VAPA: variants seen among roughly 807,000 people sequenced by gnomAD.
VAPA encodes the protein VAMP associated protein A, also known as vesicle-associated membrane protein-associated protein A.
In VAPA, 6 loss-of-function variants were observed where a neutral mutation model predicts 25.6. That is an observed-to-expected ratio of 0.23 (90% CI 0.13 to 0.46). The LOEUF (loss-of-function observed/expected upper bound fraction) is 0.46. Among genes scored for constraint, VAPA ranks in the 20% least tolerant of loss-of-function variants. VAPA has a pLI of 0.99. For missense variants in VAPA, 244 were observed against 302.1 expected (o/e 0.81, Z 1.43); for synonymous variants, 112 against 106.2 (o/e 1.05, Z -0.34).
chr18:9,942,388 T>C (rs1421221848), intron 4 of VAPA, among the ~76,000 whole-genome samples: 1 of 152,198 alleles, frequency 6.6e-6, no homozygotes, highest in Non-Finnish European at 1.5e-5. Context: ...TGATGCACTC[T>C]CCTCAAATAT....
At chr18:9,945,348 C>CCCCT in intron 4 of VAPA, among the ~76,000 whole-genome samples, 1 of 80,138 alleles carries the variant, frequency 1.2e-5, no homozygotes, top group Non-Finnish European at 2.5e-5. Context: ...GGGGAATATA[C>CCCCT]TCTTTTTTTT....
intron 1 of VAPA, chr18:9,915,850 T>C (rs1005456941): frequency 6.6e-6 from 1 of 152,240 alleles, no homozygotes; most frequent in African/African-American, 2.4e-5. Flanking sequence ...GTGCAGTGAA[T>C]GTATTTTATT....
At chr18:9,914,995 C>G (rs1015582491) in intron 1 of VAPA, 1 of 152,382 alleles carries the variant, frequency 6.6e-6, no homozygotes. Context: ...AGGTGTAGGA[C>G]GCGCCGGGGA....
At position 9,958,997 on chromosome 18, in the gene VAPA, C is replaced by CAAA. The variant is rs1372843230; in HGVS notation, c.*4788_*4789insAAA. On this transcript the variant is annotated 3_prime_UTR_variant, in exon 6 of 6. Coordinates refer to ENST00000400000, the MANE Select transcript of VAPA (RefSeq NM_194434.3). ...TGGTTTTCAAGTATAATGTCGTTTTCAACATGCTTATTACTTAGTTTTACG... is the reference window on the plus strand; with the variant it reads ...TGGTTTTCAAGTATAATGTCGTTTTCAAAAACATGCTTATTACTTAGTTTTACG... 3 of 152,152 alleles carry CAAA rather than the reference C, an allele frequency of 2.0e-5. No homozygotes were observed. Among genetic ancestry groups the CAAA allele is most frequent in the Admixed American group, 2.0e-4 (3 of 15,284 alleles). The allele number at this position is 152,152 out of a possible 1,614,324, so 9.4% of individuals were successfully genotyped here.
intron 1 of VAPA, among the ~76,000 whole-genome samples, chr18:9,921,086 T>C (rs1284496778): frequency 1.3e-5 from 2 of 152,252 alleles, no homozygotes; most frequent in African/African-American, 2.4e-5. Flanking sequence ...TGTTAATGTT[T>C]GTAGTAACAA....
chr18:9,940,855 T>A (rs1485081965), intron 4 of VAPA, among the ~76,000 whole-genome samples: 1 of 152,218 alleles, frequency 6.6e-6, no homozygotes, highest in African/African-American at 2.4e-5. Context: ...CATTTCAAAT[T>A]TATGTAATTC....
Position 9,931,835 on chromosome 18 carries a change from A to C in VAPA, c.105A>C (p.Thr35=). The change falls in exon 2 of 6, where the codon ACA becomes ACC. Residue 35 remains threonine, a synonymous_variant. Coordinates refer to ENST00000400000, the MANE Select transcript of VAPA (RefSeq NM_194434.3). The stretch of plus-strand genomic sequence containing the variant: ...GCCCCTTCACAGATGTAGTCACTAC[A>C]AATCTTAAATTGCGAAATCCATCGG... ...FKGPFTDVVT[T]NLKLRNPSDR... 6.2e-7 allele frequency: 1 copy of C among 1,613,900 alleles called. No individual in the cohort carries two copies. The highest frequency in any genetic ancestry group is 8.5e-7 in the Non-Finnish European group (1 of 1,179,894).
intron 2 of VAPA, among the ~76,000 whole-genome samples, chr18:9,934,956 A>AT (rs2069292919): frequency 6.6e-6 from 1 of 151,968 alleles, no homozygotes; most frequent in African/African-American, 2.4e-5. Flanking sequence ...TTAGCCGGGC[A>AT]TGGTGGCAGG....
At chr18:9,926,528 C>G (rs2069201091) in intron 1 of VAPA, among the ~76,000 whole-genome samples, 1 of 152,126 alleles carries the variant, frequency 6.6e-6, no homozygotes, top group African/African-American at 2.4e-5. Flanking sequence ...AGACAGTGGA[C>G]ATCATTGTTC....
chr18:9,922,904 GA>G (rs1020615985), intron 1 of VAPA, among the ~76,000 whole-genome samples: 1 of 152,124 alleles, frequency 6.6e-6, no homozygotes, highest in Non-Finnish European at 1.5e-5. Context: ...TTGCTTAAAT[GA>G]GATTGAATTT....
At chr18:9,933,724 G>A (rs1284200749) in intron 2 of VAPA, among the ~76,000 whole-genome samples, 2 of 152,168 alleles carry the variant, frequency 1.3e-5, no homozygotes, top group African/African-American at 2.4e-5. Flanking sequence ...TTTTAGTAGA[G>A]GCAGGGTTTC....
rs1028985072 is a variant in VAPA at position 9,954,857 on chromosome 18, G to A, written c.*646G>A. On this transcript the variant is annotated 3_prime_UTR_variant, in exon 6 of 6. Transcript: ENST00000400000. Reference sequence around the variant, plus strand: ...TTTGTGTCTGTCGTGTTATTAGAGGGAACTCCACTATATATGGTCACTTGA... The same window carrying A: ...TTTGTGTCTGTCGTGTTATTAGAGGAAACTCCACTATATATGGTCACTTGA... 1.3e-5 allele frequency: 2 copies of A among 152,604 alleles called. No individual in the cohort carries two copies. Among genetic ancestry groups the A allele is most frequent in the Non-Finnish European group, 2.9e-5 (2 of 68,032 alleles). 9.5% of individuals were successfully genotyped at this position (152,604 alleles called of 1,614,324 possible).
intron 1 of VAPA, among the ~76,000 whole-genome samples, chr18:9,915,284 A>G (rs1308762970): frequency 1.3e-5 from 2 of 152,162 alleles, no homozygotes; most frequent in African/African-American, 4.8e-5. Context: ...ATAAGGTGTC[A>G]CCCAGCTCTG....
In VAPA at chr18:9,914,275, G is replaced by T; in HGVS notation, c.19G>T (p.Ala7Ser). The T allele has an allele frequency of 6.3e-7, 1 of 1,586,896 alleles. No individual in the cohort carries two copies. The highest frequency in any genetic ancestry group is 1.1e-5 in the South Asian group (1 of 88,876). The change falls in exon 1 of 6, where the codon GCC becomes TCC. Residue 7 changes from alanine to serine, a missense_variant. Ala to Ser is a moderately conservative substitution (Grantham distance 99). Around this residue, in one of 2 missense-constraint regions of VAPA, gnomAD observed 99 missense variants for 161.6 expected, o/e 0.61. Transcript: ENST00000400000. MASASG[A>S]MAKHEQILVL... Reference sequence around the variant, plus strand: ...CTCTCCGATGGCGTCCGCCTCAGGGGCCATGGCGAAGCACGAGCAGATCCT... The same window carrying T: ...CTCTCCGATGGCGTCCGCCTCAGGGTCCATGGCGAAGCACGAGCAGATCCT...
At chr18:9,939,848 A>G (rs772051332) in intron 4 of VAPA, among the ~76,000 whole-genome samples, 1 of 152,230 alleles carries the variant, frequency 6.6e-6, no homozygotes, top group Non-Finnish European at 1.5e-5. Context: ...AGCCTCCACA[A>G]CAAAGAATAA....
At chr18:9,940,087 T>C (rs1179966739) in intron 4 of VAPA, among the ~76,000 whole-genome samples, 1 of 152,132 alleles carries the variant, frequency 6.6e-6, no homozygotes, top group African/African-American at 2.4e-5. Flanking sequence ...AAAAAATGAG[T>C]TGGTTTATAA....
In VAPA at chr18:9,950,713, ACTC is replaced by A. The variant is rs1215700139; in HGVS notation, c.591+149_591+151del. 131 of 722,616 alleles carry A rather than the reference ACTC, an allele frequency of 1.8e-4. 1 individual carries two copies. In the South Asian group the frequency reaches 2.5e-3, roughly 14 times the overall value. The allele number at this position is 722,616 out of a possible 1,614,324, so 44.8% of individuals were successfully genotyped here. ...CCCCAGTGCCTTTGCTCCCCACCCT[ACTC>A]CTCTTTTAACAGTCTTCCCGTGGTT... On this transcript the variant is annotated intron_variant, in intron 5 of 5. Transcript: ENST00000400000.
intron 1 of VAPA, among the ~76,000 whole-genome samples, chr18:9,930,937 T>A (rs1231709527): frequency 1.3e-5 from 2 of 152,158 alleles, no homozygotes; most frequent in Non-Finnish European, 2.9e-5. Flanking sequence ...TGTAAAATTT[T>A]AAAAGACATG....
At chr18:9,926,870 A>G (rs937946341) in intron 1 of VAPA, among the ~76,000 whole-genome samples, 13 of 152,164 alleles carry the variant, frequency 8.5e-5, no homozygotes, top group African/African-American at 2.7e-4. Context: ...CCCCAGGACT[A>G]CTTCTTGCAA....
Sources: gnomAD v4.1 joint callset for allele counts (sites outside exome capture counted in the v4.1 genomes callset) on GRCh38, gnomAD v4.1.1 for gene constraint, gnomAD v4.1.1 regional missense constraint, MANE v1.5 for transcripts, NCBI Gene and HGNC (gene_info 2026-07-23, HGNC 2026-07-21) for gene names.